HDAC11: variants seen among roughly 807,000 people sequenced by gnomAD.
HDAC11 encodes histone deacetylase 11.
In HDAC11, 23 loss-of-function variants were observed where a neutral mutation model predicts 41.1. The ratio of observed to expected loss-of-function variants is 0.56; its 90% CI spans 0.40 to 0.79. HDAC11 has a LOEUF of 0.79. HDAC11 is among the 30% of genes least tolerant of loss of function. The pLI is 0.00. For synonymous variants in HDAC11, 187 were observed against 186.6 expected, an observed-to-expected ratio of 1.00 and a Z score of -0.02; for missense variants, 402 against 477.3, an observed-to-expected ratio of 0.84 and a Z score of 1.47.
At position 13,483,818 on chromosome 3, in the gene HDAC11, C is replaced by T. The variant is rs181780124; in HGVS notation, c.252+254C>T. Among the ~76,000 whole-genome samples the T allele has an allele frequency of 2.3e-3, 349 of 152,276 alleles. 2 individuals are homozygous for T. The highest frequency in any genetic ancestry group is 8.0e-3 in the African/African-American group (334 of 41,560). On this transcript the variant is annotated intron_variant, in intron 3 of 9. Transcript: ENST00000295757. Reference sequence around the variant, plus strand: ...CCCCTTCTCCAGGGCGTATGAAAGCCTTCATAGAATTTTAGGCTTCTACAT... The same window carrying T: ...CCCCTTCTCCAGGGCGTATGAAAGCTTTCATAGAATTTTAGGCTTCTACAT...
rs888214067 is a variant in HDAC11, at chr3:13,480,761, C to T, written c.2+412C>T. The T allele has an allele frequency of 6.4e-6, 3 of 470,492 alleles. No individual in the cohort carries two copies. The highest frequency in any genetic ancestry group is 1.3e-5 in the Non-Finnish European group (3 of 228,966). 29.1% of individuals were successfully genotyped at this position (470,492 alleles called of 1,614,324 possible). Reference sequence around the variant, plus strand: ...GCGGGGTCAGGGGATCCCCGCCCCCCGCCCTGGCTCAGGTTGGGTCCCGAC... The same window carrying T: ...GCGGGGTCAGGGGATCCCCGCCCCCTGCCCTGGCTCAGGTTGGGTCCCGAC... On this transcript the variant is annotated intron_variant, in intron 1 of 9. Coordinates refer to ENST00000295757, the MANE Select transcript of HDAC11 (RefSeq NM_024827.4). The surrounding 1 kb of genome is among the most constrained non-coding windows in gnomAD (Gnocchi z 4.6).
intron 3 of HDAC11, among the ~76,000 whole-genome samples, chr3:13,484,669 G>A (rs987174783): frequency 5.9e-5 from 9 of 152,202 alleles, no homozygotes; most frequent in Non-Finnish European, 1.3e-4. Context: ...TGGAATTATA[G>A]GGGTGAGCCA....
At position 13,504,757 on chromosome 3, in the gene HDAC11, G is replaced by A. The variant is rs1246885347; in HGVS notation, c.*74G>A. 29 of 1,336,284 alleles carry A rather than the reference G, an allele frequency of 2.2e-5. No homozygotes were observed. Among genetic ancestry groups the A allele is most frequent in the Admixed American group, 1.1e-4 (6 of 55,858 alleles). The allele number at this position is 1,336,284 out of a possible 1,614,324, so 82.8% of individuals were successfully genotyped here. A position where few individuals can be genotyped will look rare whatever the true frequency, so the allele number is the denominator to read the frequency against. ...GCTTTTTGTTTTCTAACCTCATGGG[G>A]TGGTGGAGGCAGCCTTCAGTGAGCA... On this transcript the variant is annotated 3_prime_UTR_variant, in exon 10 of 10. Transcript: ENST00000295757.
chr3:13,499,397 C>T (rs779405159), intron 5 of HDAC11, among the ~76,000 whole-genome samples: 24 of 152,092 alleles, frequency 1.6e-4, no homozygotes, highest in Non-Finnish European at 2.2e-4. Flanking sequence ...CTTGAACTCC[C>T]GACCTCAGGT....
chr3:13,497,169 T>TTTTC (rs543210749), intron 4 of HDAC11, among the ~76,000 whole-genome samples: 2 of 151,896 alleles, frequency 1.3e-5, no homozygotes, highest in Non-Finnish European at 2.9e-5. Context: ...CTCACCAGTT[T>TTTTC]TTTCTTTCTT....
intron 3 of HDAC11, among the ~76,000 whole-genome samples, chr3:13,486,249 A>T (rs542921921): frequency 6.8e-6 from 1 of 146,044 alleles, no homozygotes; most frequent in Non-Finnish European, 1.5e-5. Flanking sequence ...CTTGGGCAAT[A>T]AGAGTGAAAC....
intron 3 of HDAC11, among the ~76,000 whole-genome samples, chr3:13,486,199 A>G (rs1701556537): frequency 7.1e-6 from 1 of 141,002 alleles, no homozygotes; most frequent in East Asian, 2.3e-4. Flanking sequence ...CCTGGGAGGT[A>G]GAGGTTGCAG....
rs1319401568 is a variant in HDAC11, at chr3:13,480,910, A to G, written c.3-336A>G. ...GCTGTGGGGGCATTTATTACGGTGC[A>G]GAGGTGATGCGCGGAGGCCTTGCAG... is the stretch of plus-strand genomic sequence containing the variant. On this transcript the variant is annotated intron_variant, in intron 1 of 9. Coordinates refer to ENST00000295757, the MANE Select transcript of HDAC11 (RefSeq NM_024827.4). The surrounding 1 kb of genome is among the most constrained non-coding windows in gnomAD (Gnocchi z 4.6). The G allele has an allele frequency of 2.8e-5, 12 of 434,572 alleles. No individual in the cohort carries two copies. The East Asian group carries it at 6.3e-4, about 23-fold the overall frequency. 26.9% of individuals were successfully genotyped at this position (434,572 alleles called of 1,614,324 possible). A position where few individuals can be genotyped will look rare whatever the true frequency, so the allele number is the denominator to read the frequency against.
At position 13,480,309 on chromosome 3, in the gene HDAC11, C is replaced by T; in HGVS notation, c.-39C>T. 3.2e-6 allele frequency: 4 copies of T among 1,233,784 alleles called. No homozygotes were observed. The highest frequency in any genetic ancestry group is 4.0e-6 in the Non-Finnish European group (4 of 988,844). The allele number at this position is 1,233,784 out of a possible 1,614,324, so 76.4% of individuals were successfully genotyped here. A position where few individuals can be genotyped will look rare whatever the true frequency, so the allele number is the denominator to read the frequency against. ...CGCGCCCCGCCCCGCCCCGCCCGGT[C>T]GCGGAGCTGCGGCCAGCTTTGGGAG... On this transcript the variant is annotated 5_prime_UTR_variant, in exon 1 of 10. Coordinates refer to ENST00000295757, the MANE Select transcript of HDAC11 (RefSeq NM_024827.4). This position sits in a 1 kb window ranked among gnomAD's most constrained non-coding sequence, Gnocchi z 4.6.
intron 5 of HDAC11, among the ~76,000 whole-genome samples, chr3:13,498,914 C>G (rs775119697): frequency 2.0e-5 from 3 of 152,096 alleles, no homozygotes; most frequent in Non-Finnish European, 4.4e-5. Flanking sequence ...TGCCTTGTGT[C>G]TTCCCTGAAG....
Position 13,500,592 on chromosome 3 carries a change from G to A in HDAC11, c.413-121G>A, listed in dbSNP as rs192344042. On this transcript the variant is annotated intron_variant, in intron 5 of 9. Transcript: ENST00000295757. ...AGCTTAGTTTGCCAACCCAGAGTCCGAGGCACAGGTTCCTGAGAGCTGAGC... is the reference window on the plus strand; with the variant it reads ...AGCTTAGTTTGCCAACCCAGAGTCCAAGGCACAGGTTCCTGAGAGCTGAGC... 684 of 802,422 alleles carry A rather than the reference G, an allele frequency of 8.5e-4. 2 individuals are homozygous for A. Among genetic ancestry groups the A allele is most frequent in the Admixed American group, 6.6e-4 (29 of 43,856 alleles). 49.7% of individuals were successfully genotyped at this position (802,422 alleles called of 1,614,324 possible).
At chr3:13,495,651 C>T (rs1383123139) in intron 3 of HDAC11, among the ~76,000 whole-genome samples, 1 of 152,166 alleles carries the variant, frequency 6.6e-6, no homozygotes, top group African/African-American at 2.4e-5. Context: ...TCCCTACTGC[C>T]CTGACGACAA....
At chr3:13,486,569 GTGTTTT>G (rs1399151719) in intron 3 of HDAC11, among the ~76,000 whole-genome samples, 9 of 123,484 alleles carry the variant, frequency 7.3e-5, no homozygotes, top group African/African-American at 3.4e-4. Context: ...TCATGTAGAG[GTGTTTT>G]TTTTTTTTTT....
At chr3:13,483,932 T>TTTTG (rs938090045) in intron 3 of HDAC11, among the ~76,000 whole-genome samples, 1 of 152,020 alleles carries the variant, frequency 6.6e-6, no homozygotes, top group Non-Finnish European at 1.5e-5. Flanking sequence ...CTTTGGTCTA[T>TTTTG]TTTGTTTGTT....
At chr3:13,491,796 C>A (rs1467879165) in intron 3 of HDAC11, among the ~76,000 whole-genome samples, 1 of 152,254 alleles carries the variant, frequency 6.6e-6, no homozygotes, top group African/African-American at 2.4e-5. Flanking sequence ...TGGCGTCAGT[C>A]TGGGGCAGAC....
chr3:13,503,001 T>C (rs1256604377), intron 8 of HDAC11, 21 bp downstream of exon 8: 12 of 1,569,646 alleles, frequency 7.6e-6, no homozygotes, highest in African/African-American at 1.4e-5. Context: ...GCCCCTACCC[T>C]CATCTTGGGT....
chr3:13,491,071 TG>T (rs1701837876), intron 3 of HDAC11, among the ~76,000 whole-genome samples: 4 of 14,002 alleles, frequency 2.9e-4, no homozygotes, highest in Non-Finnish European at 4.3e-4. Flanking sequence ...TTAATAGTTG[TG>T]TGTGTGTGTG....
chr3:13,493,409 A>C (rs1196299298), intron 3 of HDAC11, among the ~76,000 whole-genome samples: 1 of 152,132 alleles, frequency 6.6e-6, no homozygotes, highest in Non-Finnish European at 1.5e-5. Context: ...TTTCTCCTAG[A>C]GCGGTGCTGC....
rs17038240 is a variant in HDAC11, at chr3:13,504,197, C to T, written c.753C>T (p.Pro251=). Residue 251 remains proline, a synonymous_variant, in exon 9 of 10, where the codon CCC becomes CCT. Transcript: ENST00000295757. ...NIKKSLQEHL[P]DVVVYNAGTD... ...AGAAATCCCTCCAGGAGCACCTGCC[C>T]GACGTGGTGGTATACAATGCAGGCA... The T allele has an allele frequency of 0.049, 78,297 of 1,613,898 alleles. 2,185 individuals carry two copies. The highest frequency in any genetic ancestry group is 0.081 in the East Asian group (3,634 of 44,874).
Sources: gnomAD v4.1 joint callset for allele counts (sites outside exome capture counted in the v4.1 genomes callset) on GRCh38, gnomAD v4.1.1 for gene constraint, Gnocchi (gnomAD v3.1) non-coding constraint, MANE v1.5 for transcripts, NCBI Gene and HGNC (gene_info 2026-07-23, HGNC 2026-07-21) for gene names.